AFG2A: variants seen among roughly 807,000 people sequenced by gnomAD.
The protein encoded by AFG2A is AAA ATPase AFG2A.
At chr4:123,066,348 A>C in the AFG2A span, among the ~76,000 whole-genome samples, 1 of 152,184 alleles carries the variant, frequency 6.6e-6, no homozygotes, top group Admixed American at 6.5e-5. Context: ...AAGGGTTATA[A>C]ATTTTTTAAT....
the AFG2A span, among the ~76,000 whole-genome samples, chr4:123,032,650 G>A: frequency 1.3e-5 from 2 of 152,214 alleles, no homozygotes; most frequent in African/African-American, 4.8e-5. Flanking sequence ...TCCCGACCTT[G>A]TGATCCACCC....
chr4:122,951,619 C>T, the AFG2A span, among the ~76,000 whole-genome samples: 4 of 152,154 alleles, frequency 2.6e-5, no homozygotes, highest in Non-Finnish European at 4.4e-5. Flanking sequence ...TCAGACAGCC[C>T]ACCTGTGAGT....
At chr4:122,939,693 C>T in the AFG2A span, among the ~76,000 whole-genome samples, 1 of 151,628 alleles carries the variant, frequency 6.6e-6, no homozygotes, top group African/African-American at 2.4e-5. Flanking sequence ...AGGTTAGTTA[C>T]ATATGTATAC....
At chr4:122,965,519 T>C in the AFG2A span, among the ~76,000 whole-genome samples, 1 of 152,248 alleles carries the variant, frequency 6.6e-6, no homozygotes, top group African/African-American at 2.4e-5. Flanking sequence ...CTTCAAGGTA[T>C]CTTGTTTTCC....
the AFG2A span, among the ~76,000 whole-genome samples, chr4:123,113,936 C>T: frequency 2.6e-5 from 4 of 151,916 alleles, no homozygotes; most frequent in African/African-American, 7.3e-5. Context: ...GTGGGTGGCT[C>T]CTCTCTGCAG....
the AFG2A span, among the ~76,000 whole-genome samples, chr4:123,035,749 A>C: frequency 6.6e-6 from 1 of 152,134 alleles, no homozygotes; most frequent in Non-Finnish European, 1.5e-5. Context: ...TGATGTGAAA[A>C]TATTCCATAA....
the AFG2A span, among the ~76,000 whole-genome samples, chr4:123,030,412 A>G: frequency 3.3e-5 from 5 of 152,110 alleles, no homozygotes; most frequent in East Asian, 1.9e-4. Flanking sequence ...TTTTTTCACT[A>G]TGAGGAAATT....
chr4:122,927,678 C>T, the AFG2A span: 1 of 1,612,600 alleles, frequency 6.2e-7, no homozygotes, highest in African/African-American at 1.3e-5. Flanking sequence ...CCTTATTCAT[C>T]TTGGACTCAA....
At chr4:123,226,780 G>A in the AFG2A span, among the ~76,000 whole-genome samples, 1 of 152,168 alleles carries the variant, frequency 6.6e-6, no homozygotes, top group Admixed American at 6.5e-5. Context: ...GTTTCAGAAG[G>A]AATGGTACCA....
At chr4:123,197,082 G>C in the AFG2A span, among the ~76,000 whole-genome samples, 1 of 152,000 alleles carries the variant, frequency 6.6e-6, no homozygotes, top group Non-Finnish European at 1.5e-5. Flanking sequence ...TTTTTGAAAG[G>C]GTTTTCTGAA....
At chr4:123,209,872 C>T in the AFG2A span, among the ~76,000 whole-genome samples, 4 of 152,044 alleles carry the variant, frequency 2.6e-5, no homozygotes, top group Admixed American at 6.5e-5. Flanking sequence ...TATCTCTTGT[C>T]CTTTGAGCCT....
At chr4:123,255,184 C>T in the AFG2A span, among the ~76,000 whole-genome samples, 21 of 152,164 alleles carry the variant, frequency 1.4e-4, no homozygotes, top group African/African-American at 4.8e-4. Flanking sequence ...AGGCTGGTCT[C>T]GAACTCCTGG....
chr4:123,239,618 C>A, the AFG2A span, among the ~76,000 whole-genome samples: 1 of 152,140 alleles, frequency 6.6e-6, no homozygotes, highest in Non-Finnish European at 1.5e-5. Context: ...CCATTACAGA[C>A]AAGCAAATGC....
the AFG2A span, among the ~76,000 whole-genome samples, chr4:123,189,809 C>CTTTTTTTTTTTTTTT: frequency 3.2e-5 from 2 of 61,768 alleles, no homozygotes; most frequent in African/African-American, 1.3e-4. Flanking sequence ...AGGTCATTTG[C>CTTTTTTTTTTTTTTT]TTTTTTTTTT....
chr4:123,093,467 G>GA, the AFG2A span, among the ~76,000 whole-genome samples: 1 of 152,182 alleles, frequency 6.6e-6, no homozygotes, highest in Non-Finnish European at 1.5e-5. Context: ...AGGCCAATGA[G>GA]CATTGAGCGC....
chr4:123,233,797 A>G, the AFG2A span, among the ~76,000 whole-genome samples: 4 of 151,958 alleles, frequency 2.6e-5, no homozygotes, highest in African/African-American at 9.7e-5. Context: ...CAGTATATGT[A>G]AATATATGTG....
At chr4:123,266,397 T>G in the AFG2A span, among the ~76,000 whole-genome samples, 1 of 151,926 alleles carries the variant, frequency 6.6e-6, no homozygotes, top group African/African-American at 2.4e-5. Flanking sequence ...ATATAACAAG[T>G]GCTCAGTAAA....
the AFG2A span, among the ~76,000 whole-genome samples, chr4:122,975,945 C>T: frequency 6.6e-6 from 1 of 152,134 alleles, no homozygotes; most frequent in Non-Finnish European, 1.5e-5. Context: ...TATGTTTGTA[C>T]TATTCACTGC....
At chr4:123,246,657 TG>T in the AFG2A span, among the ~76,000 whole-genome samples, 1 of 152,162 alleles carries the variant, frequency 6.6e-6, no homozygotes, top group African/African-American at 2.4e-5. Context: ...CTGAAGTCTC[TG>T]GCTTCTCTGA....
Sources: gnomAD v4.1 joint callset for allele counts (sites outside exome capture counted in the v4.1 genomes callset) on GRCh38, gnomAD v4.1.1 for gene constraint, MANE v1.5 for transcripts, NCBI Gene and HGNC (gene_info 2026-07-23, HGNC 2026-07-21) for gene names.